IRGM: variants seen among roughly 807,000 people sequenced by gnomAD.
The protein encoded by IRGM is immunity-related GTPase family M protein.
For synonymous variants in IRGM, 98 were observed against 80.6 expected (o/e 1.22, Z -1.16); for missense variants, 288 against 219.9 (o/e 1.31, Z -1.96).
At chr5:150,877,818 T>C (rs1754386214) in intron 1 of IRGM, among the ~76,000 whole-genome samples, 1 of 152,226 alleles carries the variant, frequency 6.6e-6, no homozygotes, top group Admixed American at 6.5e-5. Context: ...ATTCAGAATT[T>C]CACGGGTGAC....
chr5:150,867,473 C>A (rs72492463), intron 1 of IRGM, among the ~76,000 whole-genome samples: 5,928 of 152,042 alleles, frequency 0.039, 192 homozygotes, highest in East Asian at 0.18. Context: ...TATAATGACT[C>A]CTTTTCCACT....
chr5:150,874,975 T>C (rs185753595), intron 1 of IRGM, among the ~76,000 whole-genome samples: 45 of 152,266 alleles, frequency 3.0e-4, no homozygotes, highest in African/African-American at 1.1e-3. Flanking sequence ...CATGTAGCCA[T>C]AAAGTGGGGC....
At chr5:150,889,329 G>C (rs1754572505) in intron 3 of IRGM, among the ~76,000 whole-genome samples, 1 of 151,902 alleles carries the variant, frequency 6.6e-6, no homozygotes, top group African/African-American at 2.4e-5. Context: ...CAAGAGAAGA[G>C]AACTTGTGCA....
At chr5:150,901,584 T>C (rs1754997009), downstream of IRGM, among the ~76,000 whole-genome samples, 1 of 152,080 alleles carries the variant, frequency 6.6e-6, no homozygotes, top group Non-Finnish European at 1.5e-5. Flanking sequence ...CTGTAAAATA[T>C]ACACAAGGAC....
chr5:150,897,283 TAATTTC>T (rs1754829295), intron 3 of IRGM: 1 of 242,612 alleles, frequency 4.1e-6, no homozygotes, highest in African/African-American at 2.2e-5. Context: ...TTTCACCTTT[TAATTTC>T]ATTTATATTA....
downstream of IRGM, among the ~76,000 whole-genome samples, chr5:150,849,588 A>T (rs1284540607): frequency 6.7e-6 from 1 of 148,796 alleles, no homozygotes; most frequent in Non-Finnish European, 1.5e-5. Flanking sequence ...ATATGGGTGT[A>T]ATTTTTCTTT....
At chr5:150,860,361 A>G (rs1754119130) in intron 1 of IRGM, among the ~76,000 whole-genome samples, 1 of 152,202 alleles carries the variant, frequency 6.6e-6, no homozygotes, top group South Asian at 2.1e-4. Context: ...AGTCTGTTAA[A>G]TTGGATAATC....
chr5:150,895,463 T>C (rs561281643), intron 3 of IRGM: 3 of 1,612,110 alleles, frequency 1.9e-6, no homozygotes, highest in East Asian at 2.2e-5. Context: ...GGTGTACAGT[T>C]AGTTGTGACT....
At chr5:150,871,513 C>T (rs1005994174) in intron 1 of IRGM, among the ~76,000 whole-genome samples, 11 of 152,182 alleles carry the variant, frequency 7.2e-5, no homozygotes, top group Admixed American at 7.2e-4. Context: ...CTCTTGCACC[C>T]TCTGCTGCAT....
chr5:150,851,910 T>C (rs544252703), downstream of IRGM, among the ~76,000 whole-genome samples: 8 of 152,196 alleles, frequency 5.3e-5, no homozygotes, highest in Admixed American at 1.3e-4. Flanking sequence ...ACTAATGGAA[T>C]GTAAAAAGCT....
In IRGM at chr5:150,896,724, T is replaced by C. The variant is rs758379603; in HGVS notation, c.*141-3865T>C. 8 of 1,613,530 alleles carry C rather than the reference T, an allele frequency of 5.0e-6. No homozygotes were observed. In the South Asian group the frequency reaches 8.8e-5, roughly 18 times the overall value. On this transcript the variant is annotated intron_variant and NMD_transcript_variant, in intron 3 of 3. Transcript: ENST00000520549. ...TGATATATCTGTTTCTATGCACTCT[T>C]GAAATATTTTCCCCAGTGGATTATA...
intron 3 of IRGM, chr5:150,897,549 T>A: frequency 6.4e-6 from 1 of 156,226 alleles, no homozygotes; most frequent in South Asian, 2.0e-4. Flanking sequence ...CCAGAAAAGC[T>A]GTATCTTCCT....
At chr5:150,850,573 T>C (rs1470122667), downstream of IRGM, among the ~76,000 whole-genome samples, 1 of 152,156 alleles carries the variant, frequency 6.6e-6, no homozygotes, top group Non-Finnish European at 1.5e-5. Flanking sequence ...TGTACCCCCC[T>C]TTTTTGAGAC....
chr5:150,852,006 G>C (rs377079990), downstream of IRGM, among the ~76,000 whole-genome samples: 38 of 152,030 alleles, frequency 2.5e-4, no homozygotes, highest in East Asian at 4.5e-3. Context: ...CAGGCACAAA[G>C]TACATTCCAG....
intron 1 of IRGM, among the ~76,000 whole-genome samples, chr5:150,860,514 C>T (rs1000113): frequency 0.14 from 20,793 of 152,106 alleles, 1,904 homozygotes; most frequent in East Asian, 0.4. Context: ...CCCATGTGTA[C>T]GCTGTTATTT....
At chr5:150,870,221 G>A (rs899474646) in intron 1 of IRGM, among the ~76,000 whole-genome samples, 1 of 152,064 alleles carries the variant, frequency 6.6e-6, no homozygotes, top group Non-Finnish European at 1.5e-5. Flanking sequence ...AACCATTACA[G>A]ACAACACATA....
downstream of IRGM, among the ~76,000 whole-genome samples, chr5:150,900,999 C>T (rs1347368648): frequency 2.0e-5 from 3 of 151,928 alleles, no homozygotes; most frequent in Non-Finnish European, 2.9e-5. Context: ...TTTTACAGCT[C>T]AGGTCCCTGG....
chr5:150,895,538 A>G (rs756257814), intron 3 of IRGM: 5 of 1,613,598 alleles, frequency 3.1e-6, no homozygotes, highest in Non-Finnish European at 4.2e-6. Flanking sequence ...GAATCCTCTG[A>G]TGTAAAACAA....
chr5:150,896,555 A>G, intron 3 of IRGM: 1 of 1,613,758 alleles, frequency 6.2e-7, no homozygotes, highest in Non-Finnish European at 8.5e-7. Flanking sequence ...CAAGATTAGA[A>G]TTGGGCTCAC....
Sources: gnomAD v4.1 joint callset for allele counts (sites outside exome capture counted in the v4.1 genomes callset) on GRCh38, gnomAD v4.1.1 for gene constraint, MANE v1.5 for transcripts, NCBI Gene and HGNC (gene_info 2026-07-23, HGNC 2026-07-21) for gene names.